The following GSE1 variants were observed in gnomAD, a reference collection of about 807,000 sequenced individuals.
GSE1 encodes the protein genetic suppressor element 1.
GSE1 carries 32 observed loss-of-function variants against 112.6 expected under a neutral mutation model. That is an observed-to-expected ratio of 0.28 (90% CI 0.21 to 0.38). GSE1 has a LOEUF of 0.38. GSE1 is among the 10% of genes least tolerant of loss of function. The pLI is 1.00. For missense variants in GSE1, 2,348 were observed against 1,699.2 expected (o/e 1.38, Z -6.71); for synonymous variants, 1,115 against 735.6 (o/e 1.52, Z -8.35).
intron 1 of GSE1, among the ~76,000 whole-genome samples, chr16:85,266,079 G>A (rs1334798741): frequency 6.6e-6 from 1 of 152,192 alleles, no homozygotes; most frequent in African/African-American, 2.4e-5. Context: ...CGCTCATGCT[G>A]TCATGGGAAG....
chr16:85,312,693 G>T (rs2062350872), intron 1 of GSE1, among the ~76,000 whole-genome samples: 1 of 152,092 alleles, frequency 6.6e-6, no homozygotes, highest in African/African-American at 2.4e-5. Context: ...AGCAGGGAGG[G>T]GGAGGAGGGA....
At chr16:85,177,954 TA>T (rs2074501745) in intron 1 of GSE1, among the ~76,000 whole-genome samples, 6 of 152,244 alleles carry the variant, frequency 3.9e-5, no homozygotes, top group Admixed American at 3.9e-4. Context: ...AGAGCACCCA[TA>T]TTCTACCCAC....
chr16:85,500,998 G>GTTTTTTTTTTGTTTT (rs2051342155), intron 2 of GSE1, among the ~76,000 whole-genome samples: 1 of 64,826 alleles, frequency 1.5e-5, no homozygotes, highest in African/African-American at 6.6e-5. Flanking sequence ...GGCCTGTTCT[G>GTTTTTTTTTTGTTTT]TTTTTTTTTT....
intron 13 of GSE1, chr16:85,666,631 C>T (rs144614451): frequency 3.3e-5 from 14 of 430,360 alleles, no homozygotes; most frequent in African/African-American, 1.8e-4. Flanking sequence ...GAGTGAACGC[C>T]GACAGGCATT....
intron 2 of GSE1, among the ~76,000 whole-genome samples, chr16:85,635,581 C>A (rs1333500636): frequency 6.6e-6 from 1 of 152,184 alleles, no homozygotes; most frequent in Non-Finnish European, 1.5e-5. Context: ...GACTCGGGCT[C>A]TCCTGAGAGG....
At chr16:85,279,577 C>T (rs1348452837) in intron 1 of GSE1, among the ~76,000 whole-genome samples, 1 of 152,122 alleles carries the variant, frequency 6.6e-6, no homozygotes, top group African/African-American at 2.4e-5. Context: ...GCCTGGGTGG[C>T]AGAGCAAGAC....
intron 2 of GSE1, among the ~76,000 whole-genome samples, chr16:85,423,175 G>A (rs1335848888): frequency 1.3e-5 from 2 of 152,214 alleles, no homozygotes; most frequent in African/African-American, 4.8e-5. Context: ...CTCACCTTTT[G>A]TGCTGGAAAT....
intron 1 of GSE1, among the ~76,000 whole-genome samples, chr16:85,182,148 C>T (rs2074599963): frequency 6.6e-6 from 1 of 152,176 alleles, no homozygotes; most frequent in African/African-American, 2.4e-5. Context: ...CCTGGGAAGC[C>T]CTCCCCCACC....
chr16:85,416,996 A>C (rs2048717833), intron 2 of GSE1, among the ~76,000 whole-genome samples: 1 of 152,192 alleles, frequency 6.6e-6, no homozygotes, highest in South Asian at 2.1e-4. Flanking sequence ...CTGGGAGTAC[A>C]GGCACAAGCC....
At chr16:85,191,354 A>G (rs973324822) in intron 1 of GSE1, among the ~76,000 whole-genome samples, 20 of 152,188 alleles carry the variant, frequency 1.3e-4, no homozygotes, top group African/African-American at 4.3e-4. Context: ...GTACAATTCA[A>G]TGTTTTTAGT....
At chr16:85,582,912 A>G (rs1277885899) in intron 1 of GSE1, among the ~76,000 whole-genome samples, 1 of 152,240 alleles carries the variant, frequency 6.6e-6, no homozygotes, top group East Asian at 1.9e-4. Context: ...CAGATTAAAT[A>G]TAAGTGAGTT....
At chr16:85,601,073 G>A (rs2047443404) in intron 1 of GSE1, among the ~76,000 whole-genome samples, 1 of 152,130 alleles carries the variant, frequency 6.6e-6, no homozygotes, top group African/African-American at 2.4e-5. Context: ...AGGGCTTGAA[G>A]GAAGAGGTCA....
intron 2 of GSE1, among the ~76,000 whole-genome samples, chr16:85,368,330 C>T (rs1222337054): frequency 6.6e-6 from 1 of 152,182 alleles, no homozygotes; most frequent in Non-Finnish European, 1.5e-5. Flanking sequence ...CTGAAGGTCA[C>T]TGGAGCATCG....
intron 1 of GSE1, among the ~76,000 whole-genome samples, chr16:85,587,849 C>A (rs996044368): frequency 1.3e-5 from 2 of 152,224 alleles, no homozygotes; most frequent in African/African-American, 4.8e-5. Flanking sequence ...GGCCCCCTCC[C>A]CCAGCCCTTC....
At chr16:85,651,307 C>T (rs1023385731) in intron 3 of GSE1, among the ~76,000 whole-genome samples, 1 of 151,928 alleles carries the variant, frequency 6.6e-6, no homozygotes, top group African/African-American at 2.4e-5. Context: ...TGACCTAGTT[C>T]CCAGGTGTCT....
intron 2 of GSE1, among the ~76,000 whole-genome samples, chr16:85,478,292 C>T (rs1215286302): frequency 2.0e-5 from 3 of 152,116 alleles, no homozygotes; most frequent in Non-Finnish European, 2.9e-5. Context: ...CTTGGGAGGC[C>T]GAGGCGGGCA....
At chr16:85,330,447 G>A (rs75739464) in intron 1 of GSE1, among the ~76,000 whole-genome samples, 2,010 of 152,312 alleles carry the variant, frequency 0.013, 37 homozygotes, top group African/African-American at 0.046. Flanking sequence ...GACCCAAGTC[G>A]GATTTCTGAC....
At chr16:85,442,222 C>T (rs1380438779) in intron 2 of GSE1, among the ~76,000 whole-genome samples, 1 of 152,222 alleles carries the variant, frequency 6.6e-6, no homozygotes, top group African/African-American at 2.4e-5. Flanking sequence ...CCCCCTCCTC[C>T]TTAAATAGCT....
chr16:85,349,142 C>T (rs1240741173), intron 1 of GSE1, among the ~76,000 whole-genome samples: 1 of 152,194 alleles, frequency 6.6e-6, no homozygotes, highest in Non-Finnish European at 1.5e-5. Flanking sequence ...CAATTACACC[C>T]GGTCGCCAGC....
Sources: allele counts gnomAD v4.1 joint callset (sites outside exome capture counted in the v4.1 genomes callset), GRCh38; gene constraint gnomAD v4.1.1; transcripts MANE v1.5; gene names NCBI Gene and HGNC (gene_info 2026-07-23, HGNC 2026-07-21).